The following EHBP1 variants were observed in gnomAD, a reference collection of about 807,000 sequenced individuals.
The protein encoded by EHBP1 is EH domain-binding protein 1.
A neutral mutation model predicts 144.0 loss-of-function variants in EHBP1; 55 were observed. The ratio of observed to expected loss-of-function variants is 0.38; its 90% CI spans 0.31 to 0.48. EHBP1 has a LOEUF of 0.48. Among genes scored for constraint, EHBP1 ranks in the 20% least tolerant of loss-of-function variants. EHBP1 has a pLI of 0.98. For synonymous variants in EHBP1, 469 were observed against 472.7 expected (o/e 0.99, Z 0.10); for missense variants, 1,200 against 1,364.2 (o/e 0.88, Z 1.90).
chr2:62,851,734 A>G lies in EHBP1; in HGVS notation c.635-7435A>G, dbSNP rs565733477. ...CAAACCAAATAAGGGAAGCATTGGT[A>G]TAGAAATCAAAATTACCTTTTCACT... On this transcript the variant is annotated intron_variant, in intron 7 of 22. Transcript: ENST00000431489. Among the ~76,000 whole-genome samples, 21 of 152,312 alleles carry G rather than the reference A, an allele frequency of 1.4e-4. No homozygotes were observed. In the East Asian group the frequency reaches 3.9e-3, roughly 28 times the overall value.
chr2:62,778,160 T>TA (rs1182907869), intron 5 of EHBP1, among the ~76,000 whole-genome samples: 1 of 152,196 alleles, frequency 6.6e-6, no homozygotes, highest in African/African-American at 2.4e-5. Flanking sequence ...AGGGCTCCAC[T>TA]AGTCCCTTTT....
chr2:62,684,015 A>G (rs142152647), intron 1 of EHBP1, among the ~76,000 whole-genome samples: 2 of 152,192 alleles, frequency 1.3e-5, no homozygotes, highest in African/African-American at 4.8e-5. Flanking sequence ...AGAAGATCCC[A>G]TGTTCTCAGA....
intron 3 of EHBP1, among the ~76,000 whole-genome samples, chr2:62,753,333 A>T (rs2039940616): frequency 6.6e-6 from 1 of 151,592 alleles, no homozygotes; most frequent in African/African-American, 2.4e-5. Flanking sequence ...ATTGGCCCCC[A>T]CTCTCTTCTG....
At chr2:62,928,425 T>G (rs899369113) in intron 10 of EHBP1, among the ~76,000 whole-genome samples, 1 of 152,162 alleles carries the variant, frequency 6.6e-6, no homozygotes, top group South Asian at 2.1e-4. Context: ...TAGAAAAGAC[T>G]GGCCTTAATT....
At chr2:62,785,663 A>G (rs2042752977) in intron 5 of EHBP1, among the ~76,000 whole-genome samples, 1 of 151,540 alleles carries the variant, frequency 6.6e-6, no homozygotes, top group South Asian at 2.1e-4. Flanking sequence ...TTTAAATTTT[A>G]TTTTCTTTTT....
intron 5 of EHBP1, among the ~76,000 whole-genome samples, chr2:62,800,478 TG>T (rs2043897368): frequency 1.3e-5 from 2 of 152,338 alleles, no homozygotes; most frequent in African/African-American, 4.8e-5. Flanking sequence ...TAAGATTTGC[TG>T]GTTAAATAAT....
chr2:62,986,706 G>A (rs540058434), intron 15 of EHBP1, among the ~76,000 whole-genome samples: 1 of 152,126 alleles, frequency 6.6e-6, no homozygotes, highest in South Asian at 2.1e-4. Context: ...CAAAGTGCTG[G>A]TATTACAGGC....
chr2:62,739,966 A>G (rs1298297881), intron 2 of EHBP1, among the ~76,000 whole-genome samples: 5 of 151,466 alleles, frequency 3.3e-5, no homozygotes, highest in Non-Finnish European at 7.4e-5. Flanking sequence ...AAAATTATAA[A>G]TTCTTTATAC....
intron 10 of EHBP1, among the ~76,000 whole-genome samples, chr2:62,916,966 CAT>C (rs898736852): frequency 1.3e-5 from 2 of 151,020 alleles, no homozygotes; most frequent in Non-Finnish European, 3.0e-5. Context: ...AAGACATACA[CAT>C]ATATATATAT....
intron 7 of EHBP1, among the ~76,000 whole-genome samples, chr2:62,856,101 C>T (rs2049034125): frequency 6.6e-6 from 1 of 152,170 alleles, no homozygotes; most frequent in Non-Finnish European, 1.5e-5. Flanking sequence ...TCTTGCTCAC[C>T]CTCCACTTGC....
intron 5 of EHBP1, among the ~76,000 whole-genome samples, chr2:62,792,259 T>C (rs2043210114): frequency 6.6e-6 from 1 of 152,026 alleles, no homozygotes; most frequent in Non-Finnish European, 1.5e-5. Context: ...AGAATGATGG[T>C]ACTATAACAT....
At chr2:62,700,403 T>G (rs759070552) in intron 1 of EHBP1, among the ~76,000 whole-genome samples, 21 of 152,044 alleles carry the variant, frequency 1.4e-4, no homozygotes, top group Non-Finnish European at 3.1e-4. Flanking sequence ...GCATCTCAAT[T>G]GAGGGGGCTT....
intron 9 of EHBP1, among the ~76,000 whole-genome samples, chr2:62,873,767 C>A (rs1207007201): frequency 6.6e-6 from 1 of 152,244 alleles, no homozygotes; most frequent in South Asian, 2.1e-4. Context: ...GGATTAATAT[C>A]TTCAAACCCT....
chr2:62,970,403 T>C (rs1234523511), intron 14 of EHBP1, among the ~76,000 whole-genome samples: 1 of 152,126 alleles, frequency 6.6e-6, no homozygotes, highest in Non-Finnish European at 1.5e-5. Flanking sequence ...AAATGTGGGT[T>C]TTTTTTGGTA....
At chr2:62,957,246 G>A (rs905317820) in intron 14 of EHBP1, among the ~76,000 whole-genome samples, 2 of 151,988 alleles carry the variant, frequency 1.3e-5, no homozygotes, top group African/African-American at 4.8e-5. Context: ...GAAAAATCAA[G>A]CAGATATAGA....
chr2:62,800,689 A>G (rs531355750), intron 5 of EHBP1, among the ~76,000 whole-genome samples: 2 of 152,322 alleles, frequency 1.3e-5, no homozygotes, highest in South Asian at 4.1e-4. Context: ...TTTCTCTGCA[A>G]CCTTACTAAC....
chr2:63,045,016 G>C lies in EHBP1; in HGVS notation c.3278-50G>C. The C allele has an allele frequency of 7.3e-7, 1 of 1,375,120 alleles. No homozygotes were observed. Among genetic ancestry groups the C allele is most frequent in the Non-Finnish European group, 1.0e-6 (1 of 990,954 alleles). 85.2% of individuals were successfully genotyped at this position (1,375,120 alleles called of 1,614,324 possible). On this transcript the variant is annotated intron_variant, in intron 21 of 22. Coordinates refer to ENST00000431489, the MANE Select transcript of EHBP1 (RefSeq NM_001142616.3). This position sits in a 1 kb window ranked among gnomAD's most constrained non-coding sequence, Gnocchi z 5.7. ...GGCGGGAAGGGGAGGGCGGGGGGCC[G>C]GGTGTTCGGAGGCCCTGCCGGTGGG... is the stretch of plus-strand genomic sequence containing the variant.
intron 8 of EHBP1, among the ~76,000 whole-genome samples, chr2:62,862,099 A>G (rs986060695): frequency 3.3e-5 from 5 of 152,186 alleles, no homozygotes; most frequent in Non-Finnish European, 5.9e-5. Context: ...TCATGGTATT[A>G]CAAAAGATAC....
At chr2:62,735,463 C>A (rs778154973) in intron 2 of EHBP1, among the ~76,000 whole-genome samples, 82 of 151,954 alleles carry the variant, frequency 5.4e-4, no homozygotes, top group Non-Finnish European at 9.7e-4. Flanking sequence ...TATATATAAG[C>A]ATATATGTAT....
Sources: gnomAD v4.1 joint callset for allele counts (sites outside exome capture counted in the v4.1 genomes callset) on GRCh38, gnomAD v4.1.1 for gene constraint, Gnocchi (gnomAD v3.1) non-coding constraint, MANE v1.5 for transcripts, NCBI Gene and HGNC (gene_info 2026-07-23, HGNC 2026-07-21) for gene names.